Variants in ACYP2 observed in about 807,000 individuals in gnomAD.
The protein encoded by ACYP2 is acylphosphatase 2.
ACYP2 carries 12 observed loss-of-function variants against 11.2 expected under a neutral mutation model. The ratio of observed to expected loss-of-function variants is 1.08; its 90% confidence interval spans 0.69 to 1.74. ACYP2 has a LOEUF of 1.74. ACYP2 is among the 40% of genes most tolerant of loss of function. The pLI is 0.00. For synonymous variants in ACYP2, 43 were observed against 32.2 expected, an observed-to-expected ratio of 1.33 and a Z score of -1.13; for missense variants, 134 against 101.9, an observed-to-expected ratio of 1.31 and a Z score of -1.35.
chr2:54,004,446 T>C (rs1391374551), intron 2 of ACYP2, among the ~76,000 whole-genome samples: 3 of 142,040 alleles, frequency 2.1e-5, no homozygotes, highest in Non-Finnish European at 3.0e-5. Context: ...AGTCTCGCTC[T>C]ATCGCCCAGG....
At chr2:54,119,721 C>CG (rs1471173094) in intron 4 of ACYP2, among the ~76,000 whole-genome samples, 1 of 152,210 alleles carries the variant, frequency 6.6e-6, no homozygotes, top group African/African-American at 2.4e-5. Flanking sequence ...AGGGACCGTA[C>CG]AACTGGTTTA....
At chr2:54,147,085 C>T (rs61434527) in intron 6 of ACYP2, among the ~76,000 whole-genome samples, 10,229 of 152,180 alleles carry the variant, frequency 0.067, 526 homozygotes, top group East Asian at 0.3. Flanking sequence ...TGTGAGCCAC[C>T]GTGCCTGGCT....
At chr2:54,012,774 A>G (rs1458256436) in intron 2 of ACYP2, among the ~76,000 whole-genome samples, 2 of 151,976 alleles carry the variant, frequency 1.3e-5, no homozygotes, top group East Asian at 1.9e-4. Context: ...CCTCTTTCTC[A>G]ACTAGCAGCC....
Position 54,105,907 on chromosome 2 carries a change from C to T in ACYP2, c.278-29546C>T, listed in dbSNP as rs756898196. Among the ~76,000 whole-genome samples the T allele has an allele frequency of 9.1e-4, 139 of 152,006 alleles. 1 individual carries two copies. Among genetic ancestry groups the T allele is most frequent in the Middle Eastern group, 6.8e-3 (2 of 294 alleles). On this transcript the variant is annotated intron_variant, in intron 4 of 6. Coordinates refer to ENST00000607452, the MANE Select transcript of ACYP2 (RefSeq NM_001320586.2). Reference sequence around the variant, plus strand: ...TGAAAGACTGTTGAAGGCAGTGTGGCAGAGTGGAAAGAACACTGAATTTTT... The same window carrying T: ...TGAAAGACTGTTGAAGGCAGTGTGGTAGAGTGGAAAGAACACTGAATTTTT...
intron 6 of ACYP2, among the ~76,000 whole-genome samples, chr2:54,146,805 T>G (rs1382854509): frequency 6.6e-6 from 1 of 151,978 alleles, no homozygotes; most frequent in African/African-American, 2.4e-5. Flanking sequence ...GTCTCTTTTT[T>G]TTTTTTTGAG....
intron 2 of ACYP2, among the ~76,000 whole-genome samples, chr2:54,027,750 T>C (rs1674366313): frequency 6.6e-6 from 1 of 152,160 alleles, no homozygotes; most frequent in South Asian, 2.1e-4. Flanking sequence ...TCAGATTTCT[T>C]CAGGTTTTAC....
intron 6 of ACYP2, among the ~76,000 whole-genome samples, chr2:54,194,308 G>C (rs1684362156): frequency 1.3e-5 from 2 of 152,026 alleles, no homozygotes; most frequent in Non-Finnish European, 2.9e-5. Flanking sequence ...CTAAAGTGCT[G>C]GGATTACAGG....
At chr2:54,086,540 T>C (rs2103674008) in intron 4 of ACYP2, among the ~76,000 whole-genome samples, 1 of 152,350 alleles carries the variant, frequency 6.6e-6, no homozygotes, top group Middle Eastern at 3.4e-3. Context: ...TATTTCTCTT[T>C]TCTATATTTT....
chr2:54,282,110 GTTAAT>G (rs773366806), intron 6 of ACYP2, among the ~76,000 whole-genome samples: 6 of 152,118 alleles, frequency 3.9e-5, no homozygotes, highest in Non-Finnish European at 8.8e-5. Flanking sequence ...TGAAATATAT[GTTAAT>G]TTAAGTATTT....
chr2:54,202,700 G>A (rs573489288), intron 6 of ACYP2, among the ~76,000 whole-genome samples: 32 of 126,356 alleles, frequency 2.5e-4, no homozygotes, highest in Middle Eastern at 5.5e-3. Flanking sequence ...GAGCCACGGC[G>A]CCTGGCTTTT....
At chr2:54,256,295 G>A in intron 6 of ACYP2, 2 of 850,772 alleles carry the variant, frequency 2.4e-6, no homozygotes, top group Non-Finnish European at 3.7e-6. Flanking sequence ...CCTCAGTCTC[G>A]CGACACTCAC....
At chr2:54,009,697 T>C (rs764470103) in intron 2 of ACYP2, among the ~76,000 whole-genome samples, 3 of 151,896 alleles carry the variant, frequency 2.0e-5, no homozygotes, top group Non-Finnish European at 2.9e-5. Flanking sequence ...ACATGAACAA[T>C]GGAAGGGTCT....
intron 6 of ACYP2, among the ~76,000 whole-genome samples, chr2:54,219,068 AG>A (rs1416706071): frequency 1.3e-5 from 2 of 152,192 alleles, no homozygotes; most frequent in African/African-American, 4.8e-5. Flanking sequence ...AGGATCTACA[AG>A]GGCATGATAT....
intron 6 of ACYP2, among the ~76,000 whole-genome samples, chr2:54,281,896 A>AT (rs1486972522): frequency 6.6e-6 from 1 of 152,168 alleles, no homozygotes; most frequent in Non-Finnish European, 1.5e-5. Flanking sequence ...TCAGCTAATT[A>AT]TTTTTTTAGA....
intron 6 of ACYP2, among the ~76,000 whole-genome samples, chr2:54,166,420 G>C (rs1456935070): frequency 6.6e-6 from 1 of 152,186 alleles, no homozygotes; most frequent in East Asian, 1.9e-4. Context: ...ACAGAATGAA[G>C]TAAGACATGG....
chr2:54,017,927 T>C (rs937191468), intron 2 of ACYP2, among the ~76,000 whole-genome samples: 3 of 152,118 alleles, frequency 2.0e-5, no homozygotes, highest in Non-Finnish European at 4.4e-5. Context: ...CTTGAACTCC[T>C]GGCCTCATGT....
At chr2:54,018,630 T>C (rs1323620899) in intron 2 of ACYP2, among the ~76,000 whole-genome samples, 1 of 152,162 alleles carries the variant, frequency 6.6e-6, no homozygotes, top group African/African-American at 2.4e-5. Context: ...CTGGACAACA[T>C]AGCGGGACCC....
At chr2:54,177,575 TA>T (rs1387854312) in intron 6 of ACYP2, among the ~76,000 whole-genome samples, 1 of 117,266 alleles carries the variant, frequency 8.5e-6, no homozygotes, top group African/African-American at 6.3e-5. Context: ...TGATACCTAC[TA>T]TTTTTTTTTT....
At position 54,264,780 on chromosome 2, in the gene ACYP2, G is replaced by A. The variant is rs1203141819; in HGVS notation, c.405-39908G>A. Among the ~76,000 whole-genome samples, 7 of 152,198 alleles carry A rather than the reference G, an allele frequency of 4.6e-5. No homozygotes were observed. The East Asian group carries it at 1.3e-3, about 29-fold the overall frequency. On this transcript the variant is annotated intron_variant, in intron 6 of 6. Transcript: ENST00000607452. Reference sequence around the variant, plus strand: ...GTAGGGGACAGTAAAGCTCTCAAAAGCATTCTTGGGACAGTGGAGGAAATT... The same window carrying A: ...GTAGGGGACAGTAAAGCTCTCAAAAACATTCTTGGGACAGTGGAGGAAATT...
Sources: gnomAD v4.1 joint callset for allele counts (sites outside exome capture counted in the v4.1 genomes callset) on GRCh38, gnomAD v4.1.1 for gene constraint, MANE v1.5 for transcripts, NCBI Gene and HGNC (gene_info 2026-07-23, HGNC 2026-07-21) for gene names.